Variants in MRE11 observed in about 807,000 individuals in gnomAD.
MRE11 encodes the protein double-strand break repair protein MRE11.
A neutral mutation model predicts 91.7 loss-of-function variants in MRE11; 62 were observed. The observed-to-expected ratio is 0.68, with a 90% CI of 0.55 to 0.84. The LOEUF is 0.84. MRE11 is among the 40% of genes least tolerant of loss of function. MRE11 has a pLI of 0.00. For missense variants in MRE11, 796 were observed against 852.9 expected (o/e 0.93, Z 0.83); for synonymous variants, 273 against 271.4 (o/e 1.01, Z -0.06).
At chr11:94,440,499 C>T (rs911378057) in intron 16 of MRE11, among the ~76,000 whole-genome samples, 8 of 151,864 alleles carry the variant, frequency 5.3e-5, no homozygotes, top group Non-Finnish European at 4.4e-5. Flanking sequence ...CAGGCCAAAA[C>T]TGAAGAAAAG....
chr11:94,473,968 G>T (rs186538316), intron 7 of MRE11, among the ~76,000 whole-genome samples: 483 of 152,230 alleles, frequency 3.2e-3, no homozygotes, highest in Middle Eastern at 6.8e-3. Context: ...TGTAGGGCTG[G>T]ATTAGAATCA....
At chr11:94,481,316 A>T (rs1357109273) in intron 4 of MRE11, among the ~76,000 whole-genome samples, 2 of 152,200 alleles carry the variant, frequency 1.3e-5, no homozygotes, top group African/African-American at 2.4e-5. Flanking sequence ...CTCGAAAAAA[A>T]AAAATAAAAG....
chr11:94,476,230 A>G, intron 7 of MRE11, 59 bp downstream of exon 7: 1 of 1,086,400 alleles, frequency 9.2e-7, no homozygotes, highest in Non-Finnish European at 1.4e-6. Flanking sequence ...AGGTAAGCTC[A>G]GAAACAGATT....
At chr11:94,420,256 A>T (rs1374700093) in intron 19 of MRE11, 75 bp from the exon 20 acceptor site, 3 of 1,173,874 alleles carry the variant, frequency 2.6e-6, no homozygotes, top group Non-Finnish European at 3.8e-6. Context: ...TCTTATGGGC[A>T]AAACAATACC....
At chr11:94,480,972 A>C (rs2135098744) in intron 4 of MRE11, among the ~76,000 whole-genome samples, 1 of 152,340 alleles carries the variant, frequency 6.6e-6, no homozygotes, top group African/African-American at 2.4e-5. Flanking sequence ...AAAATATTTC[A>C]GTATAGCTCT....
chr11:94,508,366 C>T, the MRE11 span, among the ~76,000 whole-genome samples: 1 of 152,176 alleles, frequency 6.6e-6, no homozygotes, highest in Non-Finnish European at 1.5e-5. Context: ...AGGAAGACAT[C>T]ATGAAGGTTT....
chr11:94,457,405 CAG>C (rs1251531553), intron 13 of MRE11, among the ~76,000 whole-genome samples: 4 of 152,138 alleles, frequency 2.6e-5, no homozygotes, highest in Non-Finnish European at 4.4e-5. Flanking sequence ...AGAAGAGGAA[CAG>C]AGAGCAGTAG....
Position 94,417,558 on chromosome 11 carries a change from G to C in MRE11, c.*2567C>G, listed in dbSNP as rs1169639580. On this transcript the variant is annotated 3_prime_UTR_variant, in exon 20 of 20. Coordinates refer to ENST00000323929, the MANE Select transcript of MRE11 (RefSeq NM_005591.4). ...GATTTGCAGTTGCATCCTCCTAACT[G>C]CGTCTAATGGCAGAAGCACCACCTT... The C allele has an allele frequency of 2.6e-5, 6 of 232,872 alleles. No homozygotes were observed. The highest frequency in any genetic ancestry group is 8.5e-6 in the Non-Finnish European group (1 of 117,914). The allele number at this position is 232,872 out of a possible 1,614,324, so 14.4% of individuals were successfully genotyped here. A position where few individuals can be genotyped will look rare whatever the true frequency, so the allele number is the denominator to read the frequency against.
chr11:94,415,766 A>C lies in MRE11; in HGVS notation c.*4359T>G, dbSNP rs566532824. 6.6e-6 allele frequency: 1 copy of C among 152,348 alleles called. No homozygotes were observed. The highest frequency in any genetic ancestry group is 2.1e-4 in the South Asian group (1 of 4,832). 9.4% of individuals were successfully genotyped at this position (152,348 alleles called of 1,614,324 possible). ...TACCAAGGAGAACATATACTTTGAA[A>C]AGGGGGCTAAAACATGTAGCTATAC... On this transcript the variant is annotated 3_prime_UTR_variant, in exon 20 of 20. Transcript: ENST00000323929.
intron 18 of MRE11, among the ~76,000 whole-genome samples, chr11:94,432,537 G>A (rs1451393170): frequency 6.6e-6 from 1 of 152,170 alleles, no homozygotes; most frequent in Non-Finnish European, 1.5e-5. Flanking sequence ...GGACGAGCAC[G>A]GTGGCTCATG....
intron 19 of MRE11, among the ~76,000 whole-genome samples, chr11:94,427,894 T>A (rs1945367841): frequency 6.6e-6 from 1 of 152,006 alleles, no homozygotes; most frequent in Non-Finnish European, 1.5e-5. Flanking sequence ...AAATCACAGA[T>A]AACACAAACG....
chr11:94,435,291 A>C (rs894925458), intron 18 of MRE11, among the ~76,000 whole-genome samples: 11 of 152,234 alleles, frequency 7.2e-5, no homozygotes, highest in African/African-American at 2.7e-4. Flanking sequence ...GCACTGGCTC[A>C]CATCTGTAAT....
In MRE11 at chr11:94,418,801, T is replaced by G. The variant is rs924476877; in HGVS notation, c.*1324A>C. On this transcript the variant is annotated 3_prime_UTR_variant, in exon 20 of 20. Transcript: ENST00000323929. The stretch of plus-strand genomic sequence containing the variant: ...CTCAAGTTAGGTACAGAAAAAATAT[T>G]TTTAAGAAAGTCAATAGAATGTTAT... The G allele has an allele frequency of 1.7e-5, 4 of 231,756 alleles. No individual in the cohort carries two copies. Among genetic ancestry groups the G allele is most frequent in the Admixed American group, 1.1e-4 (2 of 17,716 alleles). The allele number at this position is 231,756 out of a possible 1,614,324, so 14.4% of individuals were successfully genotyped here.
At chr11:94,462,351 G>GC in intron 11 of MRE11, among the ~76,000 whole-genome samples, 3 of 152,286 alleles carry the variant, frequency 2.0e-5, no homozygotes, top group Middle Eastern at 6.8e-3. Flanking sequence ...TGGCCATACT[G>GC]CCCAAGGTAA....
At chr11:94,435,930 T>G (rs1216592440) in intron 17 of MRE11, 31 bp from the exon 18 acceptor site, 1 of 1,571,300 alleles carries the variant, frequency 6.4e-7, no homozygotes, top group East Asian at 2.2e-5. Context: ...CAAACAGTTT[T>G]TGTGAGAATA....
intron 16 of MRE11, among the ~76,000 whole-genome samples, chr11:94,437,962 TA>T (rs1476521461): frequency 6.6e-6 from 1 of 151,678 alleles, no homozygotes; most frequent in Non-Finnish European, 1.5e-5. Flanking sequence ...CCAACTCTAC[TA>T]AAAAATATAT....
chr11:94,438,367 T>C (rs1027624867), intron 16 of MRE11, among the ~76,000 whole-genome samples: 6 of 152,220 alleles, frequency 3.9e-5, no homozygotes, highest in African/African-American at 1.4e-4. Flanking sequence ...TTTATTGTGT[T>C]TGCACATGTT....
At chr11:94,465,490 G>A (rs1248095845) in intron 10 of MRE11, among the ~76,000 whole-genome samples, 1 of 151,052 alleles carries the variant, frequency 6.6e-6, no homozygotes, top group Non-Finnish European at 1.5e-5. Flanking sequence ...CTGCCTCCCG[G>A]GTTCAAGCGA....
At chr11:94,428,559 G>A (rs1205982132) in intron 19 of MRE11, among the ~76,000 whole-genome samples, 1 of 152,094 alleles carries the variant, frequency 6.6e-6, no homozygotes, top group Non-Finnish European at 1.5e-5. Flanking sequence ...AAACTAAAGA[G>A]CTTCTGCACA....
Sources: allele counts gnomAD v4.1 joint callset (sites outside exome capture counted in the v4.1 genomes callset), GRCh38; gene constraint gnomAD v4.1.1; transcripts MANE v1.5; gene names NCBI Gene and HGNC (gene_info 2026-07-23, HGNC 2026-07-21).